SUV39H2: variants seen among roughly 807,000 people sequenced by gnomAD.
SUV39H2 encodes SUV39H2 histone lysine methyltransferase, also known as histone-lysine N-methyltransferase SUV39H2.
In SUV39H2, 10 loss-of-function variants were observed where a neutral mutation model predicts 47.5. The ratio of observed to expected loss-of-function variants is 0.21; its 90% CI spans 0.13 to 0.36. SUV39H2 has a LOEUF of 0.36. Ranked by LOEUF, SUV39H2 falls within the 10% of genes least tolerant of loss-of-function variation. The pLI, the probability that SUV39H2 is intolerant of heterozygous loss-of-function variation, is 1.00. For synonymous variants in SUV39H2, 159 were observed against 166.8 expected, an observed-to-expected ratio of 0.95 and a Z score of 0.36; for missense variants, 266 against 487.4, an observed-to-expected ratio of 0.55 and a Z score of 4.28.
rs772754655 is a variant in SUV39H2 at position 14,897,473 on chromosome 10, G to A, written c.805G>A (p.Val269Met). ...NGRGWGVKTL[V>M]KIKRMSFVME... The stretch of plus-strand genomic sequence containing the variant: ...ACGTGGCTGGGGTGTAAAGACCCTT[G>A]TGAAGATTAAAAGAATGAGTTTTGT... Residue 269 changes from valine to methionine, a missense_variant, in exon 3 of 6, where the codon GTG becomes ATG. Val to Met is a conservative substitution (Grantham distance 21). This residue lies in a region of SUV39H2 where 112 missense variants were observed against 271.9 expected (regional missense o/e 0.41). Coordinates refer to ENST00000354919, the MANE Select transcript of SUV39H2 (RefSeq NM_001193424.2). 6.3e-7 allele frequency: 1 copy of A among 1,586,052 alleles called. No individual in the cohort carries two copies. Among genetic ancestry groups the A allele is most frequent in the East Asian group, 2.2e-5 (1 of 44,528 alleles).
rs1216589246 is a variant in SUV39H2 at position 14,884,808 on chromosome 10, T to A, written c.177+3163T>A. Among the ~76,000 whole-genome samples, 5 of 152,242 alleles carry A rather than the reference T, an allele frequency of 3.3e-5. No homozygotes were observed. The East Asian group carries it at 7.7e-4, about 23-fold the overall frequency. The stretch of plus-strand genomic sequence containing the variant: ...ATTTGCCCCTTATTTATAAGTTGTG[T>A]GATCTTCAGCAAGTTACTTAGCCTT... On this transcript the variant is annotated intron_variant, in intron 2 of 5. Transcript: ENST00000354919.
chr10:14,896,803 A>T, intron 2 of SUV39H2, 43 bp from the exon 3 acceptor site: 1 of 1,473,428 alleles, frequency 6.8e-7, no homozygotes, highest in Non-Finnish European at 9.1e-7. Flanking sequence ...AAAACTGGGA[A>T]ATAGCCGTCT....
At chr10:14,893,238 C>T (rs997373586) in intron 2 of SUV39H2, among the ~76,000 whole-genome samples, 1 of 151,650 alleles carries the variant, frequency 6.6e-6, no homozygotes, top group Non-Finnish European at 1.5e-5. Context: ...CTCCTGACCT[C>T]GTGATCCGCC....
intron 2 of SUV39H2, among the ~76,000 whole-genome samples, chr10:14,892,411 T>A (rs1164090928): frequency 6.6e-6 from 1 of 152,228 alleles, no homozygotes; most frequent in Non-Finnish European, 1.5e-5. Flanking sequence ...AAGTTTTAGC[T>A]TGTTTCAACA....
chr10:14,893,434 A>G (rs1275653400), intron 2 of SUV39H2, among the ~76,000 whole-genome samples: 1 of 152,216 alleles, frequency 6.6e-6, no homozygotes, highest in Non-Finnish European at 1.5e-5. Flanking sequence ...TCCAAATTAC[A>G]TAGGAGTGAT....
chr10:14,886,071 A>G (rs1412916480), intron 2 of SUV39H2, among the ~76,000 whole-genome samples: 2 of 152,226 alleles, frequency 1.3e-5, no homozygotes, highest in African/African-American at 4.8e-5. Flanking sequence ...TGAAATATTT[A>G]TAGATCATTT....
intron 2 of SUV39H2, among the ~76,000 whole-genome samples, chr10:14,882,444 T>C (rs1401201189): frequency 6.6e-6 from 1 of 152,254 alleles, no homozygotes; most frequent in Non-Finnish European, 1.5e-5. Flanking sequence ...TGGGATCTTA[T>C]GCCCATGCAT....
At chr10:14,901,360 C>A (rs1353855244) in intron 5 of SUV39H2, 98 bp downstream of exon 5, 2 of 1,496,102 alleles carry the variant, frequency 1.3e-6, no homozygotes, top group East Asian at 4.6e-5. Context: ...AAACCTAATA[C>A]TAAAGATGAA....
intron 2 of SUV39H2, among the ~76,000 whole-genome samples, chr10:14,885,756 CTCTT>C (rs1387760878): frequency 1.3e-5 from 2 of 152,018 alleles, no homozygotes; most frequent in Admixed American, 1.3e-4. Flanking sequence ...CTTTTTTCTT[CTCTT>C]TCTCTTTCTT....
Position 14,884,754 on chromosome 10 carries a change from C to T in SUV39H2, c.177+3109C>T, listed in dbSNP as rs368518389. ...GCTACCTTTTCCTCTTTGAAACTCT[C>T]GTCTATGGAGAAATTGTCTAGGTTT... On this transcript the variant is annotated intron_variant, in intron 2 of 5. Transcript: ENST00000354919. 1.1e-3 allele frequency among the ~76,000 whole-genome samples: 167 copies of T among 152,282 alleles called. 2 individuals carry two copies. The highest frequency in any genetic ancestry group is 3.7e-3 in the African/African-American group (153 of 41,552).
At chr10:14,881,679 T>C in intron 2 of SUV39H2, 34 bp downstream of exon 2, 2 of 1,393,684 alleles carry the variant, frequency 1.4e-6, no homozygotes, top group African/African-American at 3.0e-5. Context: ...ACAAGAGACC[T>C]AATCAGACTT....
intron 5 of SUV39H2, among the ~76,000 whole-genome samples, chr10:14,901,675 G>GA (rs1175440700): frequency 6.6e-6 from 1 of 151,464 alleles, no homozygotes; most frequent in East Asian, 1.9e-4. Flanking sequence ...TACAAAATAT[G>GA]AAAAAACTAG....
chr10:14,901,009 A>G (rs960342269), intron 4 of SUV39H2, 124 bp from the exon 5 acceptor site: 80 of 1,318,258 alleles, frequency 6.1e-5, no homozygotes, highest in Non-Finnish European at 8.0e-5. Context: ...CCTCTAAGCA[A>G]TAAGCAACTT....
chr10:14,899,182 A>G lies in SUV39H2; in HGVS notation c.850-357A>G. 4.3e-6 allele frequency: 3 copies of G among 701,696 alleles called. No individual in the cohort carries two copies. The South Asian group carries it at 4.4e-5, about 10-fold the overall frequency. The allele number at this position is 701,696 out of a possible 1,614,324, so 43.5% of individuals were successfully genotyped here. ...ATAAAAACTAAATCATTAGCTGGGCATGGCGGTATGCACCTGTGATCCAGC... is the reference window on the plus strand; with the variant it reads ...ATAAAAACTAAATCATTAGCTGGGCGTGGCGGTATGCACCTGTGATCCAGC... On this transcript the variant is annotated intron_variant, in intron 3 of 5. Transcript: ENST00000354919.
Position 14,881,529 on chromosome 10 carries a change from G to T in SUV39H2, c.61G>T (p.Asp21Tyr). 6.3e-7 allele frequency: 1 copy of T among 1,591,870 alleles called. No individual in the cohort carries two copies. The highest frequency in any genetic ancestry group is 1.2e-5 in the South Asian group (1 of 86,382). Residue 21 changes from aspartate (D) to tyrosine (Y), a missense_variant, in exon 2 of 6, where the codon GAT becomes TAT. Transcript: ENST00000354919. ...AWCVPCLVSL[D>Y]TLQELCRKEK... ...GTGTGTGCCTTGCCTAGTTTCACTT[G>T]ATACTCTTCAGGAATTATGTAGAAA...
chr10:14,891,397 G>C (rs140074532), intron 2 of SUV39H2, among the ~76,000 whole-genome samples: 39 of 152,276 alleles, frequency 2.6e-4, no homozygotes, highest in African/African-American at 9.4e-4. Context: ...TCCCTAGGCA[G>C]GGTGGAAACC....
At chr10:14,892,052 C>T (rs1271180941) in intron 2 of SUV39H2, among the ~76,000 whole-genome samples, 1 of 152,266 alleles carries the variant, frequency 6.6e-6, no homozygotes, top group African/African-American at 2.4e-5. Flanking sequence ...AAAGGGATGC[C>T]AGACAGGGTC....
In SUV39H2 at chr10:14,885,492, C is replaced by T. The variant is rs142483064; in HGVS notation, c.177+3847C>T. ...AGAGAGAATTAGTAATAGTTACTTA[C>T]GGGTCTGTGCTTACATTAAGGGAGC... On this transcript the variant is annotated intron_variant, in intron 2 of 5. Coordinates refer to ENST00000354919, the MANE Select transcript of SUV39H2 (RefSeq NM_001193424.2). Among the ~76,000 whole-genome samples the T allele has an allele frequency of 6.2e-4, 95 of 152,280 alleles. 1 individual carries two copies. Among genetic ancestry groups the T allele is most frequent in the African/African-American group, 1.9e-3 (77 of 41,558 alleles).
At chr10:14,885,028 TA>T (rs1279743353) in intron 2 of SUV39H2, among the ~76,000 whole-genome samples, 1 of 152,230 alleles carries the variant, frequency 6.6e-6, no homozygotes, top group African/African-American at 2.4e-5. Context: ...TTTTTCTTAC[TA>T]TTCTTTATGA....
Sources: gnomAD v4.1 joint callset for allele counts (sites outside exome capture counted in the v4.1 genomes callset) on GRCh38, gnomAD v4.1.1 for gene constraint, gnomAD v4.1.1 regional missense constraint, MANE v1.5 for transcripts, NCBI Gene and HGNC (gene_info 2026-07-23, HGNC 2026-07-21) for gene names.